SLC6A3: variants seen among roughly 807,000 people sequenced by gnomAD.
SLC6A3 encodes the protein sodium-dependent dopamine transporter.
SLC6A3 carries 19 observed loss-of-function variants against 70.4 expected under a neutral mutation model. The observed-to-expected ratio is 0.27, with a 90% CI of 0.19 to 0.40. The LOEUF (loss-of-function observed/expected upper bound fraction) is 0.40, where lower values mean the gene tolerates loss of function less well. Ranked by LOEUF, SLC6A3 falls within the 10% of genes least tolerant of loss-of-function variation. The probability of loss-of-function intolerance (pLI) is 1.00; values close to 1 mark genes in which losing one functional copy is unlikely to be tolerated. For synonymous variants in SLC6A3, 368 were observed against 356.6 expected, an observed-to-expected ratio of 1.03 and a Z score of -0.36; for missense variants, 613 against 838.5, an observed-to-expected ratio of 0.73 and a Z score of 3.32.
rs756849247 is a variant in SLC6A3, at chr5:1,394,763, AAAG to A, written c.1840-8_1840-6del. 3 of 1,614,004 alleles carry A rather than the reference AAAG, an allele frequency of 1.9e-6. No individual in the cohort carries two copies. Among genetic ancestry groups the A allele is most frequent in the South Asian group, 1.1e-5 (1 of 91,092 alleles). ...CACCTTGAGCCAGTGGCGGAGCTGG[AAAG>A]AAAACAGGTTTAGTCAGAAACCCTG... On this transcript the variant is annotated splice_region_variant and splice_polypyrimidine_tract_variant and intron_variant, in intron 14 of 14. Coordinates refer to ENST00000270349, the MANE Select transcript of SLC6A3 (RefSeq NM_001044.5). The surrounding 1 kb of genome is among the most constrained non-coding windows in gnomAD (Gnocchi z 4.7).
rs1344706860 is a variant in SLC6A3 at position 1,437,797 on chromosome 5, C to T, written c.418+3562G>A. On this transcript the variant is annotated intron_variant, in intron 3 of 14. Coordinates refer to ENST00000270349, the MANE Select transcript of SLC6A3 (RefSeq NM_001044.5). This position sits in a 1 kb window ranked among gnomAD's most constrained non-coding sequence, Gnocchi z 4.8. ...CTGGCTTCATTCCCCCATGGAATTG[C>T]CACCTGCTCAGGGCTGGATGGCCTT... 6.6e-6 allele frequency among the ~76,000 whole-genome samples: 1 copy of T among 152,278 alleles called. No individual in the cohort carries two copies. The highest frequency in any genetic ancestry group is 1.5e-5 in the Non-Finnish European group (1 of 68,046).
At position 1,432,707 on chromosome 5, in the gene SLC6A3, A is replaced by G; in HGVS notation, c.419-9T>C. On this transcript the variant is annotated splice_polypyrimidine_tract_variant and intron_variant, in intron 3 of 14. Transcript: ENST00000270349. The stretch of plus-strand genomic sequence containing the variant: ...GACCGTGAAGCCCACACCTAGCGGG[A>G]AGGGGGAGGCCATGGAGCCCACGCA... 6.2e-7 allele frequency: 1 copy of G among 1,607,282 alleles called. No homozygotes were observed. Among genetic ancestry groups the G allele is most frequent in the Non-Finnish European group, 8.5e-7 (1 of 1,174,084 alleles).
intron 4 of SLC6A3, among the ~76,000 whole-genome samples, chr5:1,428,087 A>G (rs1261373223): frequency 6.6e-6 from 1 of 152,104 alleles, no homozygotes; most frequent in African/African-American, 2.4e-5. Flanking sequence ...AGTGTAAACC[A>G]TCTAGTAGGT....
At position 1,400,953 on chromosome 5, in the gene SLC6A3, G is replaced by A. The variant is rs1449132493; in HGVS notation, c.1801C>T (p.Arg601Cys). The change falls in exon 14 of 15, where the codon CGT (arginine) becomes TGT (cysteine). Residue 601 changes from arginine to cysteine, a missense_variant. Transcript: ENST00000270349. ...LAYAIAPEKD[R>C]ELVDRGEVRQ... ...ACCTCCCCTCTGTCCACCAGCTCACGGTCCTTCTCGGGTGCAATGGCGTAG... is the reference window on the plus strand; with the variant it reads ...ACCTCCCCTCTGTCCACCAGCTCACAGTCCTTCTCGGGTGCAATGGCGTAG... The A allele has an allele frequency of 1.0e-5, 16 of 1,596,794 alleles. No individual in the cohort carries two copies. The highest frequency in any genetic ancestry group is 1.4e-5 in the Non-Finnish European group (16 of 1,169,838).
chr5:1,403,551 T>G (rs983927539), intron 12 of SLC6A3, among the ~76,000 whole-genome samples: 1 of 143,578 alleles, frequency 7.0e-6, no homozygotes, highest in African/African-American at 2.5e-5. Flanking sequence ...TCTCATCCCA[T>G]CCCATCCCTT....
At chr5:1,415,987 G>A in intron 7 of SLC6A3, 111 bp downstream of exon 7, 1 of 803,688 alleles carries the variant, frequency 1.2e-6, no homozygotes, top group Non-Finnish European at 2.2e-6. Flanking sequence ...TCACAGGTTT[G>A]CGGGTTCAGT....
chr5:1,414,517 G>GGGCCTGGAGGGGCAGGGCGGGGAAGGC, intron 8 of SLC6A3, among the ~76,000 whole-genome samples, 174 bp downstream of exon 8: 1 of 151,854 alleles, frequency 6.6e-6, no homozygotes, highest in South Asian at 2.1e-4. Flanking sequence ...GCTGGGTGGG[G>GGGCCTGGAGGGGCAGGGCGGGGAAGGC]GCAGGTCTGT....
At chr5:1,416,686 T>C (rs1460781421) in intron 6 of SLC6A3, 1 of 262,550 alleles carries the variant, frequency 3.8e-6, no homozygotes, top group Non-Finnish European at 7.5e-6. Context: ...CACGGACTCA[T>C]CCACACACGG....
At chr5:1,422,849 C>G (rs1430887469) in intron 4 of SLC6A3, among the ~76,000 whole-genome samples, 2 of 74,172 alleles carry the variant, frequency 2.7e-5, no homozygotes, top group Non-Finnish European at 4.9e-5. Flanking sequence ...TGGGTGCCCA[C>G]TGCTGCCCAG....
At chr5:1,412,164 C>T (rs947826921) in intron 8 of SLC6A3, among the ~76,000 whole-genome samples, 2 of 152,280 alleles carry the variant, frequency 1.3e-5, no homozygotes, top group Non-Finnish European at 2.9e-5. Flanking sequence ...CCCACCCTCC[C>T]GTGAGGTTAG....
chr5:1,414,531 G>A (rs1388436990), intron 8 of SLC6A3, among the ~76,000 whole-genome samples, 160 bp downstream of exon 8: 2 of 95,192 alleles, frequency 2.1e-5, no homozygotes, highest in African/African-American at 4.2e-5. Context: ...GGTCTGTACT[G>A]GGATGTGTAC....
At position 1,438,974 on chromosome 5, in the gene SLC6A3, C is replaced by T. The variant is rs1002985306; in HGVS notation, c.418+2385G>A. Among the ~76,000 whole-genome samples the T allele has an allele frequency of 6.6e-5, 10 of 152,218 alleles. No individual in the cohort carries two copies. Among genetic ancestry groups the T allele is most frequent in the African/African-American group, 1.7e-4 (7 of 41,466 alleles). ...CACGGTGCAAGCTCAGCATCGCTTA[C>T]GACTGCAGGCTCAGAGGCAGCACTC... On this transcript the variant is annotated intron_variant, in intron 3 of 14. Transcript: ENST00000270349. This position sits in a 1 kb window ranked among gnomAD's most constrained non-coding sequence, Gnocchi z 6.5.
intron 11 of SLC6A3, among the ~76,000 whole-genome samples, chr5:1,407,938 C>A (rs960963672): frequency 1.3e-5 from 2 of 152,118 alleles, no homozygotes; most frequent in South Asian, 2.1e-4. Flanking sequence ...GTGAGCTGGG[C>A]GTCCTCCAAA....
chr5:1,445,304 G>A (rs898547879), intron 1 of SLC6A3, 44 bp downstream of exon 1: 1 of 152,986 alleles, frequency 6.5e-6, no homozygotes, highest in Admixed American at 6.5e-5. Context: ...GGGGTCTGCG[G>A]AAGGAGCGGG....
At position 1,409,839 on chromosome 5, in the gene SLC6A3, A is replaced by T; in HGVS notation, c.1280T>A (p.Met427Lys). The T allele has an allele frequency of 6.2e-7, 1 of 1,613,304 alleles. No homozygotes were observed. Among genetic ancestry groups the T allele is most frequent in the Non-Finnish European group, 8.5e-7 (1 of 1,180,014 alleles). The change falls in exon 10 of 15, where the codon ATG (methionine) becomes AAG (lysine). Residue 427 changes from methionine to lysine, a missense_variant. Transcript: ENST00000270349. ...GATGAGCCCGGTGATCACTGACTCC[A>T]TACCACCCATCTGCACACAGAGCAC... ...TLGIDSAMGG[M>K]ESVITGLIDE...
Position 1,416,146 on chromosome 5 carries a change from A to G in SLC6A3, c.983T>C (p.Val328Ala). ...GTTGTAGCTGGAGAAGGCGATCAGC[A>G]CCCCGAACCCCACGCCCAGGGAGAA... The part of the protein sequence containing the change: ...VCFSLGVGFG[V>A]LIAFSSYNKF... The change falls in exon 7 of 15, where the codon GTG becomes GCG. Residue 328 changes from valine to alanine, a missense_variant. This residue lies in a region of SLC6A3 where 348 missense variants were observed against 481.2 expected (regional missense o/e 0.72). Transcript: ENST00000270349. 1 of 1,613,960 alleles carries G rather than the reference A, an allele frequency of 6.2e-7. No homozygotes were observed. Among genetic ancestry groups the G allele is most frequent in the Non-Finnish European group, 8.5e-7 (1 of 1,180,004 alleles).
rs1296309725 is a variant in SLC6A3, at chr5:1,408,497, A to G, written c.1498+529T>C. On this transcript the variant is annotated intron_variant, in intron 11 of 14. Transcript: ENST00000270349. This position sits in a 1 kb window ranked among gnomAD's most constrained non-coding sequence, Gnocchi z 6.4. ...CCAGGTCAGCATGTGGGGAAAGGGC[A>G]GCCCTGGCTCCAGGCTGGGTTTTCT... Among the ~76,000 whole-genome samples the G allele has an allele frequency of 6.6e-6, 1 of 151,672 alleles. No individual in the cohort carries two copies. The highest frequency in any genetic ancestry group is 1.5e-5 in the Non-Finnish European group (1 of 67,786).
chr5:1,413,411 C>T lies in SLC6A3; in HGVS notation c.1156+1280G>A, dbSNP rs1007687944. ...AGGTCTCTGAGCGTGTTCCTACCTG[C>T]GGTGCGAGGGTCCTAGTGCCCCACT... is the stretch of plus-strand genomic sequence containing the variant. On this transcript the variant is annotated intron_variant, in intron 8 of 14. Transcript: ENST00000270349. This position sits in a 1 kb window ranked among gnomAD's most constrained non-coding sequence, Gnocchi z 7.1. Among the ~76,000 whole-genome samples the T allele has an allele frequency of 3.9e-5, 6 of 152,178 alleles. No homozygotes were observed. The highest frequency in any genetic ancestry group is 3.9e-4 in the East Asian group (2 of 5,192).
At chr5:1,414,950 C>T (rs1221713001) in intron 7 of SLC6A3, 135 bp from the exon 8 acceptor site, 2 of 1,105,442 alleles carry the variant, frequency 1.8e-6, no homozygotes, top group Non-Finnish European at 2.7e-6. Context: ...TCCCAGTGAG[C>T]ACGGCCAGCT....
Sources: allele counts gnomAD v4.1 joint callset (sites outside exome capture counted in the v4.1 genomes callset), GRCh38; gene constraint gnomAD v4.1.1; regional missense constraint gnomAD v4.1.1; non-coding constraint Gnocchi (gnomAD v3.1); transcripts MANE v1.5; gene names NCBI Gene and HGNC (gene_info 2026-07-23, HGNC 2026-07-21).